The following NUP210 variants were observed in gnomAD, a reference collection of about 807,000 sequenced individuals.
NUP210 encodes nucleoporin 210.
A neutral mutation model predicts 196.0 loss-of-function variants in NUP210; 151 were observed. That is an observed-to-expected ratio of 0.77 (90% CI 0.67 to 0.88). The LOEUF (loss-of-function observed/expected upper bound fraction) is 0.88. Ranked by LOEUF, NUP210 falls within the 40% of genes least tolerant of loss-of-function variation. The probability of loss-of-function intolerance (pLI) is 0.00; values close to 1 mark genes in which losing one functional copy is unlikely to be tolerated. For synonymous variants in NUP210, 1,070 were observed against 1,052.7 expected (o/e 1.02, Z -0.32); for missense variants, 2,314 against 2,493.7 (o/e 0.93, Z 1.53).
intron 4 of NUP210, among the ~76,000 whole-genome samples, chr3:13,389,570 C>T (rs1699414006): frequency 6.6e-6 from 1 of 152,188 alleles, no homozygotes; most frequent in Non-Finnish European, 1.5e-5. Context: ...TTTTACAAAA[C>T]ACCAGAACCC....
intron 32 of NUP210, 152 bp downstream of exon 32, chr3:13,327,065 C>T (rs754945491): frequency 8.1e-5 from 51 of 630,144 alleles, no homozygotes; most frequent in Non-Finnish European, 1.1e-4. Flanking sequence ...ATCTGGTCTC[C>T]GGGCAGCAGT....
intron 9 of NUP210, 111 bp from the exon 10 acceptor site, chr3:13,376,542 G>C: frequency 4.1e-6 from 5 of 1,207,388 alleles, no homozygotes; most frequent in Non-Finnish European, 5.9e-6. Flanking sequence ...AGGCCAAGGG[G>C]CCCCCTGGGG....
At chr3:13,413,139 C>A (rs1439048481) in intron 1 of NUP210, among the ~76,000 whole-genome samples, 1 of 151,632 alleles carries the variant, frequency 6.6e-6, no homozygotes, top group Non-Finnish European at 1.5e-5. Context: ...TTGGCACATG[C>A]CGGTAGCCCC....
rs527311523 is a variant in NUP210, at chr3:13,350,105, A to C, written c.2835+1774T>G. ...GCCCTGCAAAGGCCACAGTCATCCC[A>C]GAGTGACAAAGGACATACCAAGGTG... On this transcript the variant is annotated intron_variant, in intron 20 of 39. Transcript: ENST00000254508. The surrounding 1 kb of genome is among the most constrained non-coding windows in gnomAD (Gnocchi z 4.1). Among the ~76,000 whole-genome samples, 50 of 152,216 alleles carry C rather than the reference A, an allele frequency of 3.3e-4. No individual in the cohort carries two copies. Among genetic ancestry groups the C allele is most frequent in the Non-Finnish European group, 5.6e-4 (38 of 68,032 alleles).
Position 13,386,279 on chromosome 3 carries a change from A to G in NUP210, c.813T>C (p.Ile271=). ...ATGGCAGAGCCAATGACACACCTGT[A>G]ATTTTCCCTTGCCTGATCTTCTGCA... ...YKVQKIRQGK[I]TELSMPSDQY... Residue 271 remains isoleucine (I), a synonymous_variant, in exon 6 of 40, where the codon ATT becomes ATC. Coordinates refer to ENST00000254508, the MANE Select transcript of NUP210 (RefSeq NM_024923.4). 1 of 1,612,972 alleles carries G rather than the reference A, an allele frequency of 6.2e-7. No individual in the cohort carries two copies. Among genetic ancestry groups the G allele is most frequent in the Non-Finnish European group, 8.5e-7 (1 of 1,179,462 alleles).
rs201640426 is a variant in NUP210 at position 13,322,357 on chromosome 3, G to A, written c.4769-18C>T. The A allele has an allele frequency of 7.1e-4, 1,144 of 1,613,948 alleles. 10 individuals are homozygous for A. The African/African-American group carries it at 0.014, about 20-fold the overall frequency. ...GCACTCGCCTAGAGAGGGGAGAGAC[G>A]AGAGGGTGTGGGCCAGGCCCGATGG... On this transcript the variant is annotated intron_variant, in intron 34 of 39. Transcript: ENST00000254508.
chr3:13,401,712 C>A (rs958208409), intron 1 of NUP210, among the ~76,000 whole-genome samples: 24 of 152,100 alleles, frequency 1.6e-4, no homozygotes, highest in Non-Finnish European at 1.5e-5. Flanking sequence ...TTTCGAGGGG[C>A]TTTAAACTTC....
Position 13,373,855 on chromosome 3 carries a change from T to TC in NUP210, c.1449dup (p.Asn484GlufsTer25). ...TGGCTTGACGAAGACCAGCTGAAGTTCCCACTGCCACCGTGGGCCTGCGGA... is the reference window on the plus strand; with the variant it reads ...TGGCTTGACGAAGACCAGCTGAAGTTCCCCACTGCCACCGTGGGCCTGCGGA... On this transcript the variant is annotated frameshift_variant, in exon 12 of 40. Coordinates refer to ENST00000254508, the MANE Select transcript of NUP210 (RefSeq NM_024923.4). LOFTEE classifies it high-confidence loss of function. 6.2e-7 allele frequency: 1 copy of TC among 1,613,682 alleles called. No homozygotes were observed. Among genetic ancestry groups the TC allele is most frequent in the Non-Finnish European group, 8.5e-7 (1 of 1,179,810 alleles).
At chr3:13,322,363 G>A in intron 34 of NUP210, 24 bp from the exon 35 acceptor site, 1 of 1,613,602 alleles carries the variant, frequency 6.2e-7, no homozygotes, top group Non-Finnish European at 8.5e-7. Context: ...AGACGAGAGG[G>A]TGTGGGCCAG....
At chr3:13,418,383 A>C (rs1016674719) in intron 1 of NUP210, among the ~76,000 whole-genome samples, 1 of 152,092 alleles carries the variant, frequency 6.6e-6, no homozygotes, top group Non-Finnish European at 1.5e-5. Context: ...ACTTGAGGTC[A>C]GGAGTTCGAG....
chr3:13,350,479 A>AAACAC lies in NUP210; in HGVS notation c.2835+1399_2835+1400insGTGTT, dbSNP rs1251864463. On this transcript the variant is annotated intron_variant, in intron 20 of 39. Coordinates refer to ENST00000254508, the MANE Select transcript of NUP210 (RefSeq NM_024923.4). The surrounding 1 kb of genome is among the most constrained non-coding windows in gnomAD (Gnocchi z 4.1). ...AAACAAAACAAAACAAAACAAAACA[A>AAACAC]AAAACAAAACAAAACAGGAAAACAT... Among the ~76,000 whole-genome samples, 1,155 of 64,248 alleles carry AAACAC rather than the reference A, an allele frequency of 0.018. 10 individuals are homozygous for AAACAC. The highest frequency in any genetic ancestry group is 0.028 in the Non-Finnish European group (714 of 25,722). 42.1% of individuals were successfully genotyped at this position (64,248 alleles called of 152,430 possible). A position where few individuals can be genotyped will look rare whatever the true frequency, so the allele number is the denominator to read the frequency against.
chr3:13,320,132 G>A (rs2124824854), intron 36 of NUP210, among the ~76,000 whole-genome samples, 153 bp from the exon 37 acceptor site: 4 of 152,220 alleles, frequency 2.6e-5, no homozygotes, highest in Middle Eastern at 3.4e-3. Flanking sequence ...TCCCTCCTGG[G>A]GCCCAAGGGT....
At chr3:13,365,082 C>T (rs1052254446) in intron 14 of NUP210, among the ~76,000 whole-genome samples, 10 of 152,326 alleles carry the variant, frequency 6.6e-5, no homozygotes, top group East Asian at 1.9e-4. Flanking sequence ...ACCCTCTCTG[C>T]GCCTCCTGCA....
intron 15 of NUP210, 134 bp downstream of exon 15, chr3:13,360,136 C>A: frequency 1.3e-6 from 1 of 762,098 alleles, no homozygotes; most frequent in Non-Finnish European, 2.1e-6. Context: ...CTCAGTTTGC[C>A]TGTCTGTAAA....
chr3:13,345,569 G>A (rs1254965970), intron 20 of NUP210, among the ~76,000 whole-genome samples: 2 of 152,180 alleles, frequency 1.3e-5, no homozygotes, highest in Non-Finnish European at 2.9e-5. Flanking sequence ...GAGCTGGCCC[G>A]AGCTGCACAC....
chr3:13,393,378 T>A (rs945935135), intron 3 of NUP210, among the ~76,000 whole-genome samples: 12 of 152,168 alleles, frequency 7.9e-5, no homozygotes, highest in Non-Finnish European at 1.8e-4. Context: ...CCCCACAGTC[T>A]CTCCTGGAAG....
In NUP210 at chr3:13,399,758, G is replaced by A. The variant is rs777670578; in HGVS notation, c.271C>T (p.Arg91Cys). 5.6e-6 allele frequency: 9 copies of A among 1,614,116 alleles called. No individual in the cohort carries two copies. The highest frequency in any genetic ancestry group is 2.2e-5 in the East Asian group (1 of 44,886). Residue 91 changes from arginine to cysteine, a missense_variant, in exon 2 of 40, where the codon CGC becomes TGC. Transcript: ENST00000254508. Reference sequence around the variant, plus strand: ...TCTGCGAAGATGATGCTGGTGAGGCGGGCAGGCTGGGTCAGGCGGGCCTGC... The same window carrying A: ...TCTGCGAAGATGATGCTGGTGAGGCAGGCAGGCTGGGTCAGGCGGGCCTGC... Reference protein sequence around the residue: ...VVQARLTQPARLTSIIFAEDI... With the variant: ...VVQARLTQPACLTSIIFAEDI...
In NUP210 at chr3:13,329,029, C is replaced by A. The variant is rs112858311; in HGVS notation, c.4111-83G>T. 6.4e-4 allele frequency: 792 copies of A among 1,242,982 alleles called. 5 individuals carry two copies. The African/African-American group carries it at 9.0e-3, about 14-fold the overall frequency. 77.0% of individuals were successfully genotyped at this position (1,242,982 alleles called of 1,614,324 possible). On this transcript the variant is annotated intron_variant, in intron 30 of 39. Transcript: ENST00000254508. ...AAACCCACCTCCCAAGGAGGGGACACCTGCCCCCAGCAGGATCCACCTCAG... is the reference window on the plus strand; with the variant it reads ...AAACCCACCTCCCAAGGAGGGGACAACTGCCCCCAGCAGGATCCACCTCAG...
intron 28 of NUP210, among the ~76,000 whole-genome samples, chr3:13,333,715 T>A (rs1448096603): frequency 6.6e-6 from 1 of 152,168 alleles, no homozygotes; most frequent in Non-Finnish European, 1.5e-5. Flanking sequence ...CCTTCCGGCA[T>A]CCACACGGAA....
Sources: allele counts gnomAD v4.1 joint callset (sites outside exome capture counted in the v4.1 genomes callset), GRCh38; gene constraint gnomAD v4.1.1; non-coding constraint Gnocchi (gnomAD v3.1); transcripts MANE v1.5; gene names NCBI Gene and HGNC (gene_info 2026-07-23, HGNC 2026-07-21).